The following TTC6 variants were observed in gnomAD, a reference collection of about 807,000 sequenced individuals.
TTC6 encodes tetratricopeptide repeat protein 6.
A neutral mutation model predicts 210.4 loss-of-function variants in TTC6; 172 were observed. That is an observed-to-expected ratio of 0.82 (90% confidence interval 0.72 to 0.93). TTC6 has a LOEUF of 0.93. Ranked by LOEUF, TTC6 falls within the 40% of genes least tolerant of loss-of-function variation. The probability of loss-of-function intolerance (pLI) is 0.00; values close to 1 mark genes in which losing one functional copy is unlikely to be tolerated. For missense variants in TTC6, 2,414 were observed against 2,318.1 expected, an observed-to-expected ratio of 1.04 and a Z score of -0.85; for synonymous variants, 804 against 819.6, an observed-to-expected ratio of 0.98 and a Z score of 0.32.
rs1222297764 is a variant in TTC6 at position 37,751,337 on chromosome 14, A to G, written c.3129+112A>G. On this transcript the variant is annotated intron_variant, in intron 13 of 30. Coordinates refer to ENST00000553443, the Ensembl canonical transcript of TTC6. ...CTTTTTGTATATATTATATAATCAAAATTGATTTATTACAGGTTAGGAGCT... is the reference window on the plus strand; with the variant it reads ...CTTTTTGTATATATTATATAATCAAGATTGATTTATTACAGGTTAGGAGCT... 8 of 670,442 alleles carry G rather than the reference A, an allele frequency of 1.2e-5. No homozygotes were observed. In the South Asian group the frequency reaches 3.7e-4, roughly 31 times the overall value. 41.5% of individuals were successfully genotyped at this position (670,442 alleles called of 1,614,324 possible). A position where few individuals can be genotyped will look rare whatever the true frequency, so the allele number is the denominator to read the frequency against.
intron 14 of TTC6, among the ~76,000 whole-genome samples, chr14:37,760,672 C>G (rs1384681910): frequency 6.6e-6 from 1 of 152,194 alleles, no homozygotes; most frequent in Non-Finnish European, 1.5e-5. Flanking sequence ...TATCTATAAG[C>G]CCCTAACTGG....
At chr14:37,811,678 G>C (rs2096129917) in intron 24 of TTC6, among the ~76,000 whole-genome samples, 1 of 152,170 alleles carries the variant, frequency 6.6e-6, no homozygotes, top group Non-Finnish European at 1.5e-5. Context: ...AAAGGTAAAA[G>C]TAATGGAGAA....
At chr14:37,715,650 G>T (rs982148558) in intron 6 of TTC6, among the ~76,000 whole-genome samples, 1 of 152,148 alleles carries the variant, frequency 6.6e-6, no homozygotes, top group African/African-American at 2.4e-5. Flanking sequence ...ATGGAAATGG[G>T]TTTCTCATGA....
intron 17 of TTC6, 110 bp downstream of exon 19, chr14:37,792,524 A>G (rs2096082360): frequency 2.4e-6 from 2 of 833,404 alleles, no homozygotes; most frequent in African/African-American, 1.8e-5. Context: ...GTAGGGGCTA[A>G]TGCATTTATA....
At chr14:37,625,270 G>A (rs953555884) in intron 1 of TTC6, among the ~76,000 whole-genome samples, 5 of 152,070 alleles carry the variant, frequency 3.3e-5, no homozygotes, top group African/African-American at 9.7e-5. Context: ...AGTATAGGCC[G>A]GGCGCGGTGG....
intron 2 of TTC6, among the ~76,000 whole-genome samples, chr14:37,680,763 A>G (rs2095781704): frequency 6.6e-6 from 1 of 152,122 alleles, no homozygotes; most frequent in Non-Finnish European, 1.5e-5. Context: ...TTGTGAATGG[A>G]AAGTATCTCC....
At chr14:37,652,429 C>T (rs2095714749) in intron 1 of TTC6, among the ~76,000 whole-genome samples, 1 of 151,772 alleles carries the variant, frequency 6.6e-6, no homozygotes, top group African/African-American at 2.4e-5. Flanking sequence ...AATGATCTAG[C>T]AGAGAGAGAG....
intron 14 of TTC6, among the ~76,000 whole-genome samples, chr14:37,766,724 C>T (rs1243969159): frequency 6.6e-6 from 1 of 152,074 alleles, no homozygotes; most frequent in Admixed American, 6.5e-5. Context: ...TGGGTATATA[C>T]CCAATAATGT....
chr14:37,651,425 A>ATTTTT (rs55775703), intron 1 of TTC6, among the ~76,000 whole-genome samples: 1 of 23,910 alleles, frequency 4.2e-5, no homozygotes, highest in Non-Finnish European at 7.4e-5. Flanking sequence ...ATATATATAT[A>ATTTTT]TTTTTTTTTT....
chr14:37,637,710 TAAGCACATGGAAA>T (rs1158422854), intron 1 of TTC6, among the ~76,000 whole-genome samples: 9 of 152,004 alleles, frequency 5.9e-5, no homozygotes, highest in African/African-American at 2.2e-4. Context: ...AAATGCCAAA[TAAGCACATGGAAA>T]AATGTTTAAA....
intron 13 of TTC6, among the ~76,000 whole-genome samples, chr14:37,752,171 C>T (rs2095954403): frequency 6.6e-6 from 1 of 151,984 alleles, no homozygotes; most frequent in African/African-American, 2.4e-5. Flanking sequence ...AAATATTCCC[C>T]TGATTGCAGT....
exon 20 of TTC6, chr14:37,796,843 C>T (rs1214716865): frequency 2.5e-6 from 4 of 1,609,424 alleles, no homozygotes; most frequent in Non-Finnish European, 3.4e-6. Flanking sequence ...TTGTGAAAAC[C>T]ATGACAAGGC....
intron 2 of TTC6, among the ~76,000 whole-genome samples, chr14:37,617,021 C>A (rs774208141): frequency 2.2e-4 from 34 of 151,994 alleles, no homozygotes; most frequent in Non-Finnish European, 4.3e-4. Context: ...GAACCAGAGG[C>A]ATGTACCAAC....
At chr14:37,813,809 C>T (rs1184857423) in intron 25 of TTC6, among the ~76,000 whole-genome samples, 1 of 152,106 alleles carries the variant, frequency 6.6e-6, no homozygotes, top group East Asian at 1.9e-4. Flanking sequence ...TCCTCACACC[C>T]CACATCTGAC....
chr14:37,743,773 A>G (rs1407860343), intron 10 of TTC6, among the ~76,000 whole-genome samples: 1 of 152,224 alleles, frequency 6.6e-6, no homozygotes, highest in Admixed American at 6.5e-5. Flanking sequence ...CTTCCTCCTC[A>G]TTCTTGCCTC....
upstream of TTC6, among the ~76,000 whole-genome samples, chr14:37,619,064 C>T (rs544944489): frequency 3.4e-4 from 51 of 152,168 alleles, no homozygotes; most frequent in African/African-American, 1.1e-3. Context: ...AAATACTATG[C>T]GGGGCGGGGG....
intron 29 of TTC6, among the ~76,000 whole-genome samples, chr14:37,831,594 TTTTC>T (rs2096185336): frequency 7.6e-6 from 1 of 131,086 alleles, no homozygotes; most frequent in South Asian, 2.9e-4. Flanking sequence ...TTGTGTGTGT[TTTTC>T]TTTGTTTGCA....
chr14:37,751,106 G>A, exon 13 of TTC6: 20 of 1,526,960 alleles, frequency 1.3e-5, no homozygotes, highest in Non-Finnish European at 1.7e-5. Flanking sequence ...CATAACTTTG[G>A]CAATTCTAAA....
intron 14 of TTC6, among the ~76,000 whole-genome samples, chr14:37,770,091 G>A (rs1274847029): frequency 1.3e-5 from 2 of 152,094 alleles, no homozygotes; most frequent in Non-Finnish European, 2.9e-5. Context: ...AGGTTGTTCA[G>A]TTTCCATGTA....
Sources: allele counts gnomAD v4.1 joint callset (sites outside exome capture counted in the v4.1 genomes callset), GRCh38; gene constraint gnomAD v4.1.1; transcripts MANE v1.5; gene names NCBI Gene and HGNC (gene_info 2026-07-23, HGNC 2026-07-21).